PYY: variants seen among roughly 807,000 people sequenced by gnomAD.
PYY encodes the protein peptide tyrosine tyrosine.
Under a neutral mutation model 10.3 loss-of-function variants are expected in PYY, and 12 were observed. The ratio of observed to expected loss-of-function variants is 1.17; its 90% CI spans 0.75 to 1.89. PYY has a LOEUF of 1.89. Among genes scored for constraint, PYY ranks in the 40% most tolerant of loss-of-function variants. The probability of loss-of-function intolerance (pLI) is 0.00; values close to 1 mark genes in which losing one functional copy is unlikely to be tolerated. For synonymous variants in PYY, 66 were observed against 62.0 expected (o/e 1.06, Z -0.30); for missense variants, 141 against 134.0 (o/e 1.05, Z -0.26).
chr17:43,964,893 A>C (rs2048743840), intron 2 of PYY, among the ~76,000 whole-genome samples: 1 of 152,226 alleles, frequency 6.6e-6, no homozygotes, highest in Non-Finnish European at 1.5e-5. Flanking sequence ...TAGATCAAAC[A>C]AATGCTATTC....
Position 43,981,070 on chromosome 17 carries a change from A to G in PYY, c.-462-14538T>C, listed in dbSNP as rs180736977. 3.3e-3 allele frequency among the ~76,000 whole-genome samples: 490 copies of G among 146,800 alleles called. 3 individuals are homozygous for G. Among genetic ancestry groups the G allele is most frequent in the African/African-American group, 0.012 (457 of 39,632 alleles). ...GTACAGATAAGGTCTTGCTATTGCT[A>G]TGTTGCCCAGGCTGGTCTCAGACTC... On this transcript the variant is annotated intron_variant, in intron 1 of 6. Transcript: ENST00000360085.
chr17:43,972,904 G>A (rs1051698997), intron 1 of PYY, among the ~76,000 whole-genome samples: 2 of 151,780 alleles, frequency 1.3e-5, no homozygotes, highest in Non-Finnish European at 2.9e-5. Context: ...TAGTAGAGAC[G>A]GTGTTTCACC....
chr17:43,962,405 A>G (rs80033961), intron 2 of PYY, among the ~76,000 whole-genome samples: 1,585 of 152,314 alleles, frequency 0.01, 44 homozygotes, highest in African/African-American at 0.036. Context: ...TTGTAAAATG[A>G]TTACTGCAAC....
intron 1 of PYY, among the ~76,000 whole-genome samples, chr17:43,968,308 A>T (rs1417303746): frequency 6.6e-6 from 1 of 152,200 alleles, no homozygotes; most frequent in Admixed American, 6.5e-5. Flanking sequence ...GGACACAATC[A>T]TAGGAAGTGT....
intron 1 of PYY, among the ~76,000 whole-genome samples, chr17:43,989,463 C>CAGCCA (rs1264824238): frequency 6.6e-6 from 1 of 152,140 alleles, no homozygotes; most frequent in Non-Finnish European, 1.5e-5. Context: ...GCTTCCATAG[C>CAGCCA]AGCCACACCA....
At chr17:43,986,315 C>T (rs2048915772) in intron 1 of PYY, among the ~76,000 whole-genome samples, 1 of 152,134 alleles carries the variant, frequency 6.6e-6, no homozygotes, top group Non-Finnish European at 1.5e-5. Flanking sequence ...GTCTTTCTTT[C>T]CTGAACACGT....
upstream of PYY, among the ~76,000 whole-genome samples, chr17:43,956,258 C>T (rs1357556226): frequency 6.6e-6 from 1 of 152,094 alleles, no homozygotes; most frequent in African/African-American, 2.4e-5. Flanking sequence ...CGCACATCCC[C>T]GCAAACCCTC....
chr17:43,970,033 C>T (rs983825005), intron 1 of PYY, among the ~76,000 whole-genome samples: 4 of 151,806 alleles, frequency 2.6e-5, no homozygotes, highest in Admixed American at 6.6e-5. Flanking sequence ...TGAGCCACCA[C>T]GCCCAGCCAA....
chr17:43,976,031 C>T (rs1433649890), intron 1 of PYY, among the ~76,000 whole-genome samples: 1 of 144,172 alleles, frequency 6.9e-6, no homozygotes, highest in Non-Finnish European at 1.5e-5. Context: ...CGTGTATAAG[C>T]GTATACATGT....
At chr17:43,961,112 G>A (rs962149729) in intron 2 of PYY, among the ~76,000 whole-genome samples, 1 of 152,006 alleles carries the variant, frequency 6.6e-6, no homozygotes, top group Non-Finnish European at 1.5e-5. Context: ...TGTAGTCACA[G>A]CTACTTGGGA....
At chr17:43,986,269 A>G (rs1025850338) in intron 1 of PYY, among the ~76,000 whole-genome samples, 1 of 152,194 alleles carries the variant, frequency 6.6e-6, no homozygotes, top group African/African-American at 2.4e-5. Context: ...GTCTCAAAAA[A>G]AAAGAAAAGA....
intron 1 of PYY, among the ~76,000 whole-genome samples, chr17:43,969,063 G>A (rs187231595): frequency 2.0e-5 from 3 of 152,236 alleles, no homozygotes; most frequent in South Asian, 2.1e-4. Context: ...AGCCAAGATC[G>A]TGCCACTGCA....
At chr17:43,972,819 C>T (rs992422736) in intron 1 of PYY, among the ~76,000 whole-genome samples, 2 of 151,804 alleles carry the variant, frequency 1.3e-5, no homozygotes, top group African/African-American at 2.4e-5. Context: ...TGAGTTCAAG[C>T]GATTCTCCTG....
intron 1 of PYY, among the ~76,000 whole-genome samples, chr17:43,988,478 C>T (rs930572899): frequency 1.3e-5 from 2 of 152,108 alleles, no homozygotes; most frequent in East Asian, 1.9e-4. Flanking sequence ...TTCAGCTCCC[C>T]GGGGAAGCTT....
At chr17:43,976,222 CAT>C (rs2048839196) in intron 1 of PYY, among the ~76,000 whole-genome samples, 2 of 134,052 alleles carry the variant, frequency 1.5e-5, no homozygotes, top group African/African-American at 6.2e-5. Context: ...TATATGTATA[CAT>C]ATATACATAT....
At chr17:43,953,746 C>A (rs2048652739) in intron 1 of PYY, 104 bp downstream of exon 1, 5 of 359,862 alleles carry the variant, frequency 1.4e-5, no homozygotes, top group Non-Finnish European at 2.5e-5. Context: ...ATGGCCCCCT[C>A]CAATCCAGTT....
chr17:43,961,636 G>T (rs1020423091), intron 2 of PYY, among the ~76,000 whole-genome samples: 3 of 152,110 alleles, frequency 2.0e-5, no homozygotes, highest in Non-Finnish European at 4.4e-5. Context: ...CGCCTCCTGG[G>T]TTCAAGTGAT....
At chr17:43,968,878 C>T (rs1309083663) in intron 1 of PYY, among the ~76,000 whole-genome samples, 5 of 151,742 alleles carry the variant, frequency 3.3e-5, no homozygotes, top group African/African-American at 1.2e-4. Flanking sequence ...GAGGCCAAGG[C>T]GGGTGGATCG....
chr17:44,001,358 T>A (rs1322170654), intron 1 of PYY, among the ~76,000 whole-genome samples: 2 of 152,072 alleles, frequency 1.3e-5, no homozygotes, highest in African/African-American at 2.4e-5. Context: ...CTGGGCACAA[T>A]GACAACAGGC....
Sources: allele counts gnomAD v4.1 joint callset (sites outside exome capture counted in the v4.1 genomes callset), GRCh38; gene constraint gnomAD v4.1.1; transcripts MANE v1.5; gene names NCBI Gene and HGNC (gene_info 2026-07-23, HGNC 2026-07-21).